LHFPL3: variants seen among roughly 807,000 people sequenced by gnomAD.
The protein encoded by LHFPL3 is LHFPL tetraspan subfamily member 3 protein.
In LHFPL3, 5 loss-of-function variants were observed where a neutral mutation model predicts 19.3. The observed-to-expected ratio is 0.26, with a 90% CI of 0.14 to 0.54. LHFPL3 has a LOEUF of 0.54. Among genes scored for constraint, LHFPL3 ranks in the 20% least tolerant of loss-of-function variants. The pLI is 0.94. For synonymous variants in LHFPL3, 133 were observed against 126.2 expected (o/e 1.05, Z -0.36); for missense variants, 249 against 307.4 (o/e 0.81, Z 1.42).
chr7:104,678,348 C>T (rs569336439), intron 1 of LHFPL3, among the ~76,000 whole-genome samples: 189 of 152,254 alleles, frequency 1.2e-3, no homozygotes, highest in Non-Finnish European at 1.3e-3. Flanking sequence ...CCTTACCAAA[C>T]GTTGCTTTTT....
At chr7:104,767,671 G>A (rs1490486149) in intron 2 of LHFPL3, among the ~76,000 whole-genome samples, 1 of 152,140 alleles carries the variant, frequency 6.6e-6, no homozygotes, top group Non-Finnish European at 1.5e-5. Context: ...ACTTCCTCAA[G>A]AGGTAGGGAG....
intron 1 of LHFPL3, among the ~76,000 whole-genome samples, chr7:104,417,833 C>T (rs558617192): frequency 6.6e-6 from 1 of 150,930 alleles, no homozygotes; most frequent in Non-Finnish European, 1.5e-5. Flanking sequence ...TTAATTTTTA[C>T]TGTTATTCGT....
chr7:104,515,450 A>G (rs1410980097), intron 1 of LHFPL3, among the ~76,000 whole-genome samples: 3 of 152,212 alleles, frequency 2.0e-5, no homozygotes, highest in Non-Finnish European at 4.4e-5. Context: ...TGTTCAAAGA[A>G]CTAAGATCAC....
At chr7:104,859,801 T>A (rs1791579811) in intron 2 of LHFPL3, among the ~76,000 whole-genome samples, 1 of 152,198 alleles carries the variant, frequency 6.6e-6, no homozygotes, top group African/African-American at 2.4e-5. Context: ...ATCCATAGAA[T>A]GTATAATACT....
Position 104,592,190 on chromosome 7 carries a change from AAGAGGTAT to A in LHFPL3, c.446-144484_446-144477del, listed in dbSNP as rs202040978. ...GAGGAGCTGCTTTCCTTTGGAGGAGAAGAGGTATTCTGATTTCTAGAATTTTCAGCTTT... is the reference window on the plus strand; with the variant it reads ...GAGGAGCTGCTTTCCTTTGGAGGAGATCTGATTTCTAGAATTTTCAGCTTT... On this transcript the variant is annotated intron_variant, in intron 1 of 2. Coordinates refer to ENST00000424859, the MANE Select transcript of LHFPL3 (RefSeq NM_199000.3). Among the ~76,000 whole-genome samples, 620 of 152,092 alleles carry A rather than the reference AAGAGGTAT, an allele frequency of 4.1e-3. 33 individuals carry two copies. In the East Asian group the frequency reaches 0.099, roughly 24 times the overall value.
intron 1 of LHFPL3, among the ~76,000 whole-genome samples, chr7:104,735,682 C>G (rs761988306): frequency 6.6e-6 from 1 of 152,244 alleles, no homozygotes; most frequent in African/African-American, 2.4e-5. Flanking sequence ...GGCAATGCAT[C>G]GCCCTGCTTC....
chr7:104,587,236 A>G (rs969953521), intron 1 of LHFPL3, among the ~76,000 whole-genome samples: 1 of 152,180 alleles, frequency 6.6e-6, no homozygotes, highest in Non-Finnish European at 1.5e-5. Flanking sequence ...CATCATTTAC[A>G]TTAGGTGTAT....
At chr7:104,566,248 G>T (rs1290218292) in intron 1 of LHFPL3, among the ~76,000 whole-genome samples, 1 of 152,148 alleles carries the variant, frequency 6.6e-6, no homozygotes, top group Non-Finnish European at 1.5e-5. Context: ...CTACTCAGGA[G>T]GCTGAGGTAA....
At chr7:104,811,163 TTTCTTTCTTTTC>T (rs1790460048) in intron 2 of LHFPL3, among the ~76,000 whole-genome samples, 1 of 5,454 alleles carries the variant, frequency 1.8e-4, no homozygotes, top group Non-Finnish European at 2.1e-3. Context: ...TCTTTCTTTC[TTTCTTTCTTTTC>T]TTTTCTTTTC....
chr7:104,548,436 A>G (rs1794609688), intron 1 of LHFPL3, among the ~76,000 whole-genome samples: 1 of 152,204 alleles, frequency 6.6e-6, no homozygotes. Context: ...TACACATTCT[A>G]GATGATTTAC....
At chr7:104,669,240 A>G (rs1792424467) in intron 1 of LHFPL3, 10 of 1,613,916 alleles carry the variant, frequency 6.2e-6, no homozygotes, top group Middle Eastern at 1.6e-4. Flanking sequence ...GCTCAGACAC[A>G]GAGCAGCAAT....
At chr7:104,852,961 A>C (rs562710866) in intron 2 of LHFPL3, among the ~76,000 whole-genome samples, 1 of 151,862 alleles carries the variant, frequency 6.6e-6, no homozygotes, top group Admixed American at 6.6e-5. Flanking sequence ...GTGCCTGCCC[A>C]GTAACCACTG....
intron 2 of LHFPL3, among the ~76,000 whole-genome samples, chr7:104,788,993 A>T (rs904383674): frequency 1.3e-5 from 2 of 152,230 alleles, no homozygotes; most frequent in African/African-American, 4.8e-5. Context: ...TGATGATGGA[A>T]GCAATTGCTG....
At chr7:104,601,381 T>G (rs1004917761) in intron 1 of LHFPL3, among the ~76,000 whole-genome samples, 1 of 152,198 alleles carries the variant, frequency 6.6e-6, no homozygotes, top group Non-Finnish European at 1.5e-5. Flanking sequence ...AGTACCTCCA[T>G]GTACCAAATG....
chr7:104,553,686 G>C (rs1211538030), intron 1 of LHFPL3, among the ~76,000 whole-genome samples: 1 of 152,110 alleles, frequency 6.6e-6, no homozygotes, highest in African/African-American at 2.4e-5. Flanking sequence ...GAGCCTTAAG[G>C]CAACTTACAG....
intron 1 of LHFPL3, among the ~76,000 whole-genome samples, chr7:104,507,047 A>T (rs41044): frequency 9.8e-4 from 149 of 152,330 alleles, no homozygotes; most frequent in Middle Eastern, 3.4e-3. Context: ...CTCTATTTAT[A>T]CATTGCATTA....
intron 1 of LHFPL3, among the ~76,000 whole-genome samples, chr7:104,486,088 A>T (rs1204905213): frequency 6.6e-6 from 1 of 152,216 alleles, no homozygotes; most frequent in African/African-American, 2.4e-5. Context: ...ATTCTGAGTC[A>T]GATCATGTAG....
intron 1 of LHFPL3, among the ~76,000 whole-genome samples, chr7:104,335,790 A>G (rs1231360891): frequency 6.6e-6 from 1 of 151,974 alleles, no homozygotes; most frequent in Non-Finnish European, 1.5e-5. Flanking sequence ...AAGAGGATCC[A>G]GATGGCCAGG....
At position 104,675,986 on chromosome 7, in the gene LHFPL3, A is replaced by G. The variant is rs377093779; in HGVS notation, c.446-60689A>G. Among the ~76,000 whole-genome samples, 31 of 152,358 alleles carry G rather than the reference A, an allele frequency of 2.0e-4. No homozygotes were observed. In the East Asian group the frequency reaches 5.0e-3, roughly 25 times the overall value. On this transcript the variant is annotated intron_variant, in intron 1 of 2. Transcript: ENST00000424859. ...GGGATGTTTTTTAAAGCCTGGGACC[A>G]GATGAGATGATCTTTGGCTAGGTGT...
Sources: gnomAD v4.1 joint callset for allele counts (sites outside exome capture counted in the v4.1 genomes callset) on GRCh38, gnomAD v4.1.1 for gene constraint, MANE v1.5 for transcripts, NCBI Gene and HGNC (gene_info 2026-07-23, HGNC 2026-07-21) for gene names.